MSH3: variants seen among roughly 807,000 people sequenced by gnomAD.
MSH3 encodes DNA mismatch repair protein Msh3.
A neutral mutation model predicts 123.3 loss-of-function variants in MSH3; 106 were observed. The observed-to-expected ratio is 0.86, with a 90% CI of 0.73 to 1.01. The LOEUF (loss-of-function observed/expected upper bound fraction) is 1.01, where lower values mean the gene tolerates loss of function less well. Ranked by LOEUF, MSH3 falls within the 50% of genes least tolerant of loss-of-function variation. MSH3 has a pLI of 0.00. For synonymous variants in MSH3, 515 were observed against 481.4 expected (o/e 1.07, Z -0.91); for missense variants, 1,459 against 1,347.6 (o/e 1.08, Z -1.29).
At chr5:80,785,581 A>G (rs1744491277) in intron 17 of MSH3, among the ~76,000 whole-genome samples, 1 of 152,182 alleles carries the variant, frequency 6.6e-6, no homozygotes, top group Admixed American at 6.5e-5. Flanking sequence ...TAGAAATACC[A>G]TTTGACCCAG....
chr5:80,746,527 A>C, intron 12 of MSH3: 1 of 471,216 alleles, frequency 2.1e-6, no homozygotes, highest in Non-Finnish European at 4.2e-6. Context: ...AAGTAGTACA[A>C]AAAGTATTCC....
At chr5:80,796,661 A>G (rs1433579837) in intron 19 of MSH3, among the ~76,000 whole-genome samples, 3 of 152,238 alleles carry the variant, frequency 2.0e-5, no homozygotes, top group African/African-American at 7.2e-5. Context: ...ACATGTAACT[A>G]TAAGTATACT....
intron 19 of MSH3, among the ~76,000 whole-genome samples, chr5:80,796,907 C>T (rs988271625): frequency 1.3e-5 from 2 of 152,308 alleles, no homozygotes; most frequent in South Asian, 2.1e-4. Flanking sequence ...GCTTCTGGAA[C>T]GTGCCATGCC....
At chr5:80,744,405 T>C in intron 11 of MSH3, 101 bp from the exon 12 acceptor site, 1 of 798,604 alleles carries the variant, frequency 1.3e-6, no homozygotes, top group South Asian at 1.5e-5. Context: ...TGAGCCACAT[T>C]GTGCTAGGTA....
chr5:80,875,923 ACT>A lies in MSH3; in HGVS notation c.*65_*66del. 1 of 983,654 alleles carries A rather than the reference ACT, an allele frequency of 1.0e-6. No homozygotes were observed. The highest frequency in any genetic ancestry group is 1.6e-6 in the Non-Finnish European group (1 of 620,476). The allele number at this position is 983,654 out of a possible 1,614,324, so 60.9% of individuals were successfully genotyped here. A position where few individuals can be genotyped will look rare whatever the true frequency, so the allele number is the denominator to read the frequency against. The stretch of plus-strand genomic sequence containing the variant: ...TTAAAAATACCAACTGTACAAAATA[ACT>A]CTCCAGTAACAGCCTATCTTTGTGT... On this transcript the variant is annotated 3_prime_UTR_variant, in exon 24 of 24. Transcript: ENST00000265081.
intron 17 of MSH3, 112 bp from the exon 18 acceptor site, chr5:80,787,453 C>CT (rs1744528459): frequency 1.3e-6 from 1 of 775,768 alleles, no homozygotes; most frequent in Non-Finnish European, 2.4e-6. Context: ...GGAATGCCTG[C>CT]TGATCATCTG....
intron 21 of MSH3, 34 bp from the exon 22 acceptor site, chr5:80,864,779 A>G (rs1489625179): frequency 2.7e-6 from 1 of 364,990 alleles, no homozygotes; most frequent in Non-Finnish European, 4.5e-6. Context: ...AAATTTAAAA[A>G]TGAAATAACA....
intron 17 of MSH3, among the ~76,000 whole-genome samples, chr5:80,785,988 T>G: frequency 2.8e-5 from 4 of 141,322 alleles, no homozygotes; most frequent in Non-Finnish European, 3.1e-5. Flanking sequence ...CTGGGGACTG[T>G]TGTGGGGTGG....
intron 10 of MSH3, among the ~76,000 whole-genome samples, chr5:80,735,548 C>G (rs1743489961): frequency 6.6e-6 from 1 of 151,684 alleles, no homozygotes; most frequent in Non-Finnish European, 1.5e-5. Flanking sequence ...AGCAGCCACA[C>G]TGGTGGCGGG....
intron 17 of MSH3, among the ~76,000 whole-genome samples, chr5:80,781,535 A>G (rs575626303): frequency 4.0e-5 from 6 of 148,842 alleles, no homozygotes; most frequent in Admixed American, 3.4e-4. Context: ...TGATACAATC[A>G]TGACTCATTG....
rs534175368 is a variant in MSH3 at position 80,819,742 on chromosome 5, C to G, written c.2813+6001C>G. Among the ~76,000 whole-genome samples the G allele has an allele frequency of 3.3e-5, 5 of 152,206 alleles. No individual in the cohort carries two copies. In the East Asian group the frequency reaches 9.6e-4, roughly 29 times the overall value. ...CCTCAGGTGATCCGCCCGCCTTGAC[C>G]TCCCAAAGCACTGGGATTACAGGTG... is the stretch of plus-strand genomic sequence containing the variant. On this transcript the variant is annotated intron_variant, in intron 20 of 23. Transcript: ENST00000265081.
At chr5:80,832,109 C>CAAAAAACA (rs147535262) in intron 20 of MSH3, among the ~76,000 whole-genome samples, 2 of 150,538 alleles carry the variant, frequency 1.3e-5, no homozygotes, top group South Asian at 4.2e-4. Context: ...GACTCCTTCT[C>CAAAAAACA]AAAAAACAAA....
intron 21 of MSH3, among the ~76,000 whole-genome samples, chr5:80,858,125 A>G (rs1273250981): frequency 1.3e-5 from 2 of 151,988 alleles, no homozygotes; most frequent in Admixed American, 1.3e-4. Flanking sequence ...GCCCACTGCA[A>G]CCTCGACTCC....
intron 17 of MSH3, among the ~76,000 whole-genome samples, chr5:80,781,013 C>T (rs1744400970): frequency 6.6e-6 from 1 of 152,098 alleles, no homozygotes; most frequent in Non-Finnish European, 1.5e-5. Context: ...AAGTTGGTAT[C>T]AGTCTTTTGC....
chr5:80,810,519 C>T (rs992393619), intron 19 of MSH3, among the ~76,000 whole-genome samples: 2 of 152,068 alleles, frequency 1.3e-5, no homozygotes, highest in African/African-American at 2.4e-5. Flanking sequence ...CCATATTGCT[C>T]TCCATATCTT....
At chr5:80,856,525 G>A (rs1039946037) in intron 21 of MSH3, among the ~76,000 whole-genome samples, 41 of 128,102 alleles carry the variant, frequency 3.2e-4, no homozygotes, top group Non-Finnish European at 9.5e-5. Context: ...CACAGGAAGG[G>A]GAACATCACA....
chr5:80,767,831 T>C, intron 13 of MSH3, 102 bp from the exon 14 acceptor site: 2 of 891,908 alleles, frequency 2.2e-6, no homozygotes, highest in Non-Finnish European at 3.5e-6. Context: ...TAATAGAAAA[T>C]TTAAACTTTC....
chr5:80,854,428 A>T lies in MSH3; in HGVS notation c.3000+112A>T, dbSNP rs1423960479. 3 of 899,056 alleles carry T rather than the reference A, an allele frequency of 3.3e-6. No homozygotes were observed. In the African/African-American group the frequency reaches 5.0e-5, roughly 15 times the overall value. 55.7% of individuals were successfully genotyped at this position (899,056 alleles called of 1,614,324 possible). A position where few individuals can be genotyped will look rare whatever the true frequency, so the allele number is the denominator to read the frequency against. ...GGGGTACAATGTGATGTTTTGAAACATATAAACAATATGGAGTGATTAAAT... is the reference window on the plus strand; with the variant it reads ...GGGGTACAATGTGATGTTTTGAAACTTATAAACAATATGGAGTGATTAAAT... On this transcript the variant is annotated intron_variant, in intron 21 of 23. Coordinates refer to ENST00000265081, the MANE Select transcript of MSH3 (RefSeq NM_002439.5).
Position 80,779,710 on chromosome 5 carries a change from C to T in MSH3, c.2435+874C>T, listed in dbSNP as rs142645919. Among the ~76,000 whole-genome samples the T allele has an allele frequency of 6.1e-4, 92 of 151,732 alleles. 1 individual carries two copies. The highest frequency in any genetic ancestry group is 2.1e-3 in the African/African-American group (88 of 41,392). On this transcript the variant is annotated intron_variant, in intron 17 of 23. Coordinates refer to ENST00000265081, the MANE Select transcript of MSH3 (RefSeq NM_002439.5). ...AGTAGCTGGGACTACAGGCGCACACCGCCACGCCCTGCTAATTTTTTTTTT... is the reference window on the plus strand; with the variant it reads ...AGTAGCTGGGACTACAGGCGCACACTGCCACGCCCTGCTAATTTTTTTTTT...
Sources: allele counts gnomAD v4.1 joint callset (sites outside exome capture counted in the v4.1 genomes callset), GRCh38; gene constraint gnomAD v4.1.1; transcripts MANE v1.5; gene names NCBI Gene and HGNC (gene_info 2026-07-23, HGNC 2026-07-21).